Variants in MAGT1 observed in about 807,000 individuals in gnomAD.
MAGT1 encodes magnesium transporter 1.
A neutral mutation model predicts 28.4 loss-of-function variants in MAGT1; 4 were observed. The observed-to-expected ratio is 0.14, with a 90% CI of 0.07 to 0.32. The LOEUF (loss-of-function observed/expected upper bound fraction) is 0.32. MAGT1 is among the 10% of genes least tolerant of loss of function. MAGT1 has a pLI of 1.00. For missense variants in MAGT1, 193 were observed against 264.5 expected (o/e 0.73, Z 1.88); for synonymous variants, 89 against 89.7 (o/e 0.99, Z 0.04).
intron 2 of MAGT1, among the ~76,000 whole-genome samples, chrX:77,874,819 C>A (rs2077028902): frequency 1.8e-5 from 2 of 109,115 alleles, no homozygotes; most frequent in African/African-American, 6.6e-5. Flanking sequence ...AAAAATACTA[C>A]ATCAATGCTA....
chrX:77,884,770 A>G (rs1180649192), intron 1 of MAGT1, among the ~76,000 whole-genome samples: 1 of 106,783 alleles, frequency 9.4e-6, no homozygotes, highest in Non-Finnish European at 1.9e-5. Flanking sequence ...ATCACCCCCA[A>G]TCCCACAATA....
chrX:77,846,066 A>C (rs782627755), intron 7 of MAGT1, among the ~76,000 whole-genome samples: 18 of 112,097 alleles, frequency 1.6e-4, no homozygotes, highest in African/African-American at 5.8e-4. Context: ...ACTTTCAGGT[A>C]CACCAATCAG....
chrX:77,869,638 A>G (rs967111319), intron 3 of MAGT1, among the ~76,000 whole-genome samples: 2 of 110,875 alleles, frequency 1.8e-5, no homozygotes, highest in African/African-American at 3.3e-5. Context: ...AATGGCCAAC[A>G]TCACTAATTA....
intron 8 of MAGT1, among the ~76,000 whole-genome samples, chrX:77,839,879 T>A (rs973038674): frequency 7.3e-5 from 8 of 109,756 alleles, no homozygotes; most frequent in African/African-American, 9.9e-5. Context: ...ACTCCTGACC[T>A]CAAGTGATCC....
intron 2 of MAGT1, among the ~76,000 whole-genome samples, chrX:77,873,895 C>T (rs1260336553): frequency 9.0e-6 from 1 of 111,304 alleles, no homozygotes; most frequent in African/African-American, 3.3e-5. Context: ...ACTTTCACCA[C>T]ATCCTCTCCT....
In MAGT1 at chrX:77,895,319, C is replaced by A; in HGVS notation, c.92G>T (p.Arg31Ile). Reference sequence around the variant, plus strand: ...AAACCGCGTTCTCACCTCCTTCTTTCTTTGGGCAGAGGCTGAGGGAACGTC... The same window carrying A: ...AAACCGCGTTCTCACCTCCTTCTTTATTTGGGCAGAGGCTGAGGGAACGTC... ...VCDVPSASAQ[R>I]KKEMVLSEKV... The change falls in exon 1 of 10, where the codon AGA becomes ATA. Residue 31 changes from arginine (R) to isoleucine (I), a missense_variant. By Grantham distance (97) the Arg-to-Ile change is moderately conservative (BLOSUM62 -3). Transcript: ENST00000618282. The A allele has an allele frequency of 1.1e-5, 13 of 1,212,267 alleles. No homozygotes were observed. Among genetic ancestry groups the A allele is most frequent in the Non-Finnish European group, 1.5e-5 (13 of 895,594 alleles).
intron 7 of MAGT1, among the ~76,000 whole-genome samples, chrX:77,849,077 T>TC (rs1557215280): frequency 9.2e-6 from 1 of 108,642 alleles, no homozygotes; most frequent in Non-Finnish European, 1.9e-5. Flanking sequence ...GTGTTTTCTT[T>TC]TTTTTTTTTT....
chrX:77,832,613 G>A (rs1283103240), intron 8 of MAGT1, among the ~76,000 whole-genome samples: 1 of 109,433 alleles, frequency 9.1e-6, no homozygotes, highest in African/African-American at 3.3e-5. Flanking sequence ...GGTGGATCAC[G>A]AGGTCAGGAG....
intron 1 of MAGT1, among the ~76,000 whole-genome samples, chrX:77,892,381 C>G (rs1042994645): frequency 1.8e-5 from 2 of 111,982 alleles, no homozygotes; most frequent in East Asian, 5.5e-4. Context: ...ACAGCCTAAA[C>G]CATTCTCAGA....
rs1332160282 is a variant in MAGT1, at chrX:77,841,231, A to G, written c.901+15T>C. The stretch of plus-strand genomic sequence containing the variant: ...GTACAGGCAGCACTGTTACATTTTG[A>G]GTAAGGTGACTTACTCTTTCGCTTT... On this transcript the variant is annotated intron_variant, in intron 8 of 9. Coordinates refer to ENST00000618282, the MANE Select transcript of MAGT1 (RefSeq NM_001367916.1). The G allele has an allele frequency of 8.6e-7, 1 of 1,162,134 alleles. No homozygotes were observed. Among genetic ancestry groups the G allele is most frequent in the Non-Finnish European group, 1.2e-6 (1 of 850,493 alleles).
intron 1 of MAGT1, among the ~76,000 whole-genome samples, chrX:77,891,414 GCCTCAAGGGATCCTCCCATCA>G (rs1352730459): frequency 9.1e-6 from 1 of 109,629 alleles, no homozygotes; most frequent in South Asian, 3.9e-4. Flanking sequence ...CAAACTCTTG[GCCTCAAGGGATCCTCCCATCA>G]CCTCAAGGGA....
rs2076882099 is a variant in MAGT1, at chrX:77,825,963, CA to C, written c.*3256del. Among the ~76,000 whole-genome samples, 2 of 112,633 alleles carry C rather than the reference CA, an allele frequency of 1.8e-5. No individual in the cohort carries two copies. The highest frequency in any genetic ancestry group is 7.2e-4 in the South Asian group (2 of 2,794). On this transcript the variant is annotated 3_prime_UTR_variant, in exon 10 of 10. Coordinates refer to ENST00000618282, the MANE Select transcript of MAGT1 (RefSeq NM_001367916.1). ...GTGCAGTGTTTCTACTCCATGTTTG[CA>C]AAAGAGCTGCTGTCTAGTTTCATAT...
chrX:77,893,848 A>T (rs1477671647), intron 1 of MAGT1, among the ~76,000 whole-genome samples: 1 of 110,172 alleles, frequency 9.1e-6, no homozygotes, highest in Non-Finnish European at 1.9e-5. Context: ...GGCTGCAGTG[A>T]GCCATGATCC....
chrX:77,838,614 T>A (rs2076926446), intron 8 of MAGT1, among the ~76,000 whole-genome samples: 1 of 109,573 alleles, frequency 9.1e-6, no homozygotes, highest in African/African-American at 3.3e-5. Context: ...AAAAATTAGC[T>A]GGGCGTGGTG....
chrX:77,853,527 T>C (rs1250967079), intron 7 of MAGT1, among the ~76,000 whole-genome samples: 3 of 112,189 alleles, frequency 2.7e-5, no homozygotes, highest in Non-Finnish European at 5.6e-5. Context: ...TCAGACCTGA[T>C]GTTGACCCCT....
At chrX:77,883,431 A>C (rs1014072954) in intron 1 of MAGT1, among the ~76,000 whole-genome samples, 3 of 108,774 alleles carry the variant, frequency 2.8e-5, no homozygotes, top group Middle Eastern at 4.3e-3. Context: ...TTCTCGAAAT[A>C]ATTTATCAAG....
At chrX:77,868,937 C>A (rs2077013913) in intron 3 of MAGT1, among the ~76,000 whole-genome samples, 1 of 112,241 alleles carries the variant, frequency 8.9e-6, no homozygotes, top group South Asian at 3.6e-4. Context: ...TCTACTAAGA[C>A]TAGAGGTAAG....
intron 3 of MAGT1, among the ~76,000 whole-genome samples, chrX:77,863,341 T>C (rs2076999547): frequency 9.3e-6 from 1 of 107,897 alleles, no homozygotes; most frequent in Non-Finnish European, 1.9e-5. Flanking sequence ...TGAAGCCCCA[T>C]CTCTACTAAA....
intron 8 of MAGT1, among the ~76,000 whole-genome samples, chrX:77,839,874 T>G (rs962007968): frequency 1.7e-4 from 19 of 109,762 alleles, no homozygotes; most frequent in African/African-American, 5.6e-4. Flanking sequence ...CTCGAACTCC[T>G]GACCTCAAGT....
Sources: allele counts gnomAD v4.1 joint callset (sites outside exome capture counted in the v4.1 genomes callset), GRCh38; gene constraint gnomAD v4.1.1; transcripts MANE v1.5; gene names NCBI Gene and HGNC (gene_info 2026-07-23, HGNC 2026-07-21).